Variants in HPSE2 observed in about 807,000 individuals in gnomAD.
HPSE2 encodes the protein heparanase 2 (inactive).
In HPSE2, 38 loss-of-function variants were observed where a neutral mutation model predicts 60.5. The observed-to-expected ratio is 0.63, with a 90% CI of 0.48 to 0.82. The LOEUF is 0.82. Among genes scored for constraint, HPSE2 ranks in the 40% least tolerant of loss-of-function variants. The pLI is 0.00. For synonymous variants in HPSE2, 295 were observed against 293.2 expected, an observed-to-expected ratio of 1.01 and a Z score of -0.06; for missense variants, 713 against 740.4, an observed-to-expected ratio of 0.96 and a Z score of 0.43.
At chr10:98,764,052 G>T (rs547313348) in intron 3 of HPSE2, among the ~76,000 whole-genome samples, 1 of 151,992 alleles carries the variant, frequency 6.6e-6, no homozygotes, top group Non-Finnish European at 1.5e-5. Context: ...CTATCCTCTT[G>T]CCCCTAGTTA....
At chr10:99,122,351 A>G (rs957380896) in intron 3 of HPSE2, among the ~76,000 whole-genome samples, 1 of 152,000 alleles carries the variant, frequency 6.6e-6, no homozygotes, top group Non-Finnish European at 1.5e-5. Context: ...GGGGATTTTG[A>G]TAAATTAAAA....
chr10:99,113,165 G>A (rs1185512778), intron 3 of HPSE2, among the ~76,000 whole-genome samples: 1 of 152,190 alleles, frequency 6.6e-6, no homozygotes, highest in Non-Finnish European at 1.5e-5. Context: ...CATTCATTGA[G>A]TGCATGGCTT....
chr10:98,943,541 G>A lies in HPSE2; in HGVS notation c.611-199485C>T, dbSNP rs371439267. 7.9e-5 allele frequency among the ~76,000 whole-genome samples: 12 copies of A among 152,156 alleles called. No individual in the cohort carries two copies. The East Asian group carries it at 2.3e-3, about 29-fold the overall frequency. On this transcript the variant is annotated intron_variant, in intron 3 of 11. Coordinates refer to ENST00000370552, the MANE Select transcript of HPSE2 (RefSeq NM_021828.5). ...CCCCCACATCATACTAGGAAGGTCT[G>A]TGTGACAAATAACACATGGTGTGTC...
At chr10:98,549,111 G>T (rs1943782216) in intron 9 of HPSE2, among the ~76,000 whole-genome samples, 1 of 152,064 alleles carries the variant, frequency 6.6e-6, no homozygotes, top group South Asian at 2.1e-4. Flanking sequence ...ATCTTACAGT[G>T]TACTGCTTAG....
chr10:99,302,562 C>A, the HPSE2 span, among the ~76,000 whole-genome samples: 4 of 152,080 alleles, frequency 2.6e-5, no homozygotes, highest in African/African-American at 9.7e-5. Context: ...ATATTATACC[C>A]ATGAGGAAAT....
chr10:98,633,235 G>A (rs1946412142), intron 7 of HPSE2, among the ~76,000 whole-genome samples: 2 of 150,640 alleles, frequency 1.3e-5, no homozygotes, highest in African/African-American at 4.9e-5. Flanking sequence ...GTCTTGTTTT[G>A]TTGCCCAGGC....
intron 3 of HPSE2, among the ~76,000 whole-genome samples, chr10:99,115,754 T>TA (rs1339570619): frequency 3.3e-5 from 5 of 152,136 alleles, no homozygotes; most frequent in East Asian, 3.9e-4. Flanking sequence ...ATTGAGCTGG[T>TA]AAAAAAAAGT....
intron 3 of HPSE2, among the ~76,000 whole-genome samples, chr10:98,756,800 G>C (rs1010461876): frequency 2.0e-5 from 3 of 152,068 alleles, no homozygotes. Flanking sequence ...AAATCCAGGA[G>C]AAGAACCTCT....
At chr10:99,063,233 T>C (rs1484076445) in intron 3 of HPSE2, among the ~76,000 whole-genome samples, 1 of 151,766 alleles carries the variant, frequency 6.6e-6, no homozygotes, top group Admixed American at 6.6e-5. Flanking sequence ...AACATAAGAC[T>C]GAAGAAAATA....
At chr10:98,737,797 T>C (rs1038235651) in intron 4 of HPSE2, among the ~76,000 whole-genome samples, 3 of 152,136 alleles carry the variant, frequency 2.0e-5, no homozygotes, top group Non-Finnish European at 4.4e-5. Context: ...CCAGGAGAAC[T>C]ACAAACCATT....
chr10:99,121,295 G>A (rs1231310939), intron 3 of HPSE2, among the ~76,000 whole-genome samples: 1 of 152,070 alleles, frequency 6.6e-6, no homozygotes, highest in Admixed American at 6.5e-5. Context: ...CTATCAGAGG[G>A]TGGAGGGTGG....
rs570583453 is a variant in HPSE2, at chr10:98,986,176, C to A, written c.610+158062G>T. On this transcript the variant is annotated intron_variant, in intron 3 of 11. Coordinates refer to ENST00000370552, the MANE Select transcript of HPSE2 (RefSeq NM_021828.5). ...ATCTACAGAACTCTGCACCCCAAATCAACAGAATAAACATTCTTTTCAGCA... is the reference window on the plus strand; with the variant it reads ...ATCTACAGAACTCTGCACCCCAAATAAACAGAATAAACATTCTTTTCAGCA... Among the ~76,000 whole-genome samples, 113 of 152,304 alleles carry A rather than the reference C, an allele frequency of 7.4e-4. 2 individuals are homozygous for A. In the South Asian group the frequency reaches 0.022, roughly 30 times the overall value.
Position 98,937,590 on chromosome 10 carries a change from G to A in HPSE2, c.611-193534C>T, listed in dbSNP as rs1216300506. Among the ~76,000 whole-genome samples the A allele has an allele frequency of 2.0e-4, 29 of 142,650 alleles. 1 individual carries two copies. The highest frequency in any genetic ancestry group is 2.8e-4 in the Non-Finnish European group (19 of 66,816). The allele number at this position is 142,650 out of a possible 152,430, so 93.6% of individuals were successfully genotyped here. On this transcript the variant is annotated intron_variant, in intron 3 of 11. Transcript: ENST00000370552. ...GGTAAACAAAGCAGCCTGGAAGCTCGAACTGGGTGGAGCCCACCACAGCTC... is the reference window on the plus strand; with the variant it reads ...GGTAAACAAAGCAGCCTGGAAGCTCAAACTGGGTGGAGCCCACCACAGCTC...
chr10:98,513,532 C>T (rs12415538), intron 9 of HPSE2, among the ~76,000 whole-genome samples: 3,103 of 152,230 alleles, frequency 0.02, 71 homozygotes, highest in East Asian at 0.11. Context: ...TCCAGGTGTG[C>T]TGCAAGTGAA....
intron 2 of HPSE2, among the ~76,000 whole-genome samples, chr10:99,205,751 T>C (rs769845056): frequency 1.6e-4 from 25 of 152,226 alleles, no homozygotes; most frequent in Non-Finnish European, 3.1e-4. Flanking sequence ...AAATTAACTG[T>C]TGTACATACC....
chr10:98,599,874 T>C lies in HPSE2; in HGVS notation c.1320+15030A>G, dbSNP rs141410595. Among the ~76,000 whole-genome samples, 20 of 152,314 alleles carry C rather than the reference T, an allele frequency of 1.3e-4. No individual in the cohort carries two copies. The East Asian group carries it at 3.7e-3, about 28-fold the overall frequency. ...AGCTCTGGAAAGTCCTATTCTGCCATCTTGCTGCTATACTCCCAGCCTTCT... is the reference window on the plus strand; with the variant it reads ...AGCTCTGGAAAGTCCTATTCTGCCACCTTGCTGCTATACTCCCAGCCTTCT... On this transcript the variant is annotated intron_variant, in intron 9 of 11. Coordinates refer to ENST00000370552, the MANE Select transcript of HPSE2 (RefSeq NM_021828.5).
intron 2 of HPSE2, among the ~76,000 whole-genome samples, chr10:99,176,021 A>C (rs1469087033): frequency 6.6e-6 from 1 of 152,258 alleles, no homozygotes; most frequent in African/African-American, 2.4e-5. Flanking sequence ...GACCTGCAGC[A>C]GAAGGGCCTC....
intron 2 of HPSE2, among the ~76,000 whole-genome samples, chr10:99,202,484 T>A (rs1848607731): frequency 6.6e-6 from 1 of 152,200 alleles, no homozygotes; most frequent in East Asian, 1.9e-4. Context: ...AAATCCTAGT[T>A]GTAAAGCTGG....
At chr10:98,801,750 T>C (rs1359205700) in intron 3 of HPSE2, among the ~76,000 whole-genome samples, 6 of 152,138 alleles carry the variant, frequency 3.9e-5, no homozygotes, top group Non-Finnish European at 5.9e-5. Flanking sequence ...TCAATACTGT[T>C]AAAGTGTTCA....
Sources: gnomAD v4.1 joint callset for allele counts (sites outside exome capture counted in the v4.1 genomes callset) on GRCh38, gnomAD v4.1.1 for gene constraint, MANE v1.5 for transcripts, NCBI Gene and HGNC (gene_info 2026-07-23, HGNC 2026-07-21) for gene names.